The following PREX2 variants were observed in gnomAD, a reference collection of about 807,000 sequenced individuals.
The protein encoded by PREX2 is phosphatidylinositol-3,4,5-trisphosphate dependent Rac exchange factor 2.
In PREX2, 107 loss-of-function variants were observed where a neutral mutation model predicts 203.2. That is an observed-to-expected ratio of 0.53 (90% CI 0.45 to 0.62). The LOEUF (loss-of-function observed/expected upper bound fraction) is 0.62. Among genes scored for constraint, PREX2 ranks in the 20% least tolerant of loss-of-function variants. The probability of loss-of-function intolerance (pLI) is 0.00; values close to 1 mark genes in which losing one functional copy is unlikely to be tolerated. For synonymous variants in PREX2, 672 were observed against 663.6 expected (o/e 1.01, Z -0.19); for missense variants, 1,777 against 1,955.9 (o/e 0.91, Z 1.72).
intron 15 of PREX2, among the ~76,000 whole-genome samples, chr8:68,078,227 A>G (rs957272199): frequency 1.3e-5 from 2 of 152,140 alleles, no homozygotes; most frequent in African/African-American, 2.4e-5. Context: ...GTGCAGTGGC[A>G]TGATCTCAGC....
At position 67,952,178 on chromosome 8, in the gene PREX2, C is replaced by G. The variant is rs1805358419; in HGVS notation, c.-217C>G. ...CGGAGCCCCCACTCCCAGGAGTTTC[C>G]TCTGCAGAGCCCCGCGCCCCCCGCG... is the stretch of plus-strand genomic sequence containing the variant. On this transcript the variant is annotated 5_prime_UTR_variant, in exon 1 of 40. Coordinates refer to ENST00000288368, the MANE Select transcript of PREX2 (RefSeq NM_024870.4). 2 of 380,866 alleles carry G rather than the reference C, an allele frequency of 5.3e-6. No homozygotes were observed. The highest frequency in any genetic ancestry group is 9.6e-5 in the Admixed American group (2 of 20,780). 23.6% of individuals were successfully genotyped at this position (380,866 alleles called of 1,614,324 possible). A position where few individuals can be genotyped will look rare whatever the true frequency, so the allele number is the denominator to read the frequency against.
intron 1 of PREX2, among the ~76,000 whole-genome samples, chr8:68,003,770 T>C (rs1290583328): frequency 2.6e-5 from 4 of 151,822 alleles, no homozygotes; most frequent in Admixed American, 1.3e-4. Context: ...AATGGAAACT[T>C]TGGATATCAG....
At chr8:67,976,634 G>C (rs1375326996) in intron 1 of PREX2, among the ~76,000 whole-genome samples, 1 of 81,482 alleles carries the variant, frequency 1.2e-5, no homozygotes, top group East Asian at 7.1e-4. Context: ...AGAGAGAGAC[G>C]GGAGAGAGAC....
chr8:68,064,345 T>TTGC (rs1808952419), intron 11 of PREX2, among the ~76,000 whole-genome samples: 1 of 152,060 alleles, frequency 6.6e-6, no homozygotes. Flanking sequence ...ATAAATTATG[T>TTGC]TGCAAAAAGG....
At position 68,069,071 on chromosome 8, in the gene PREX2, T is replaced by C. The variant is rs776708753; in HGVS notation, c.1378T>C (p.Tyr460His). Residue 460 changes from tyrosine (Y) to histidine (H), a missense_variant, in exon 12 of 40, where the codon TAT (tyrosine) becomes CAT (histidine). Tyr to His is a moderately conservative substitution (Grantham distance 83, BLOSUM62 2). Transcript: ENST00000288368. ...KHQFKPEQML[Y>H]RFRYDDGTFY... ...TCAATTCAAACCAGAACAGATGTTA[T>C]ATAGATTTCGCTATGATGATGGAAC... The C allele has an allele frequency of 3.8e-6, 6 of 1,564,782 alleles. No individual in the cohort carries two copies. The highest frequency in any genetic ancestry group is 2.0e-5 in the Admixed American group (1 of 50,404).
chr8:68,024,644 T>C lies in PREX2; in HGVS notation c.441+2504T>C, dbSNP rs542073320. 1.5e-3 allele frequency among the ~76,000 whole-genome samples: 226 copies of C among 152,090 alleles called. 2 individuals carry two copies. Among genetic ancestry groups the C allele is most frequent in the Middle Eastern group, 0.014 (4 of 294 alleles). Reference sequence around the variant, plus strand: ...TCAGTTTGTTTGTTTTTAATGTAATTATTGATATGATGGTATTTACATGTG... The same window carrying C: ...TCAGTTTGTTTGTTTTTAATGTAATCATTGATATGATGGTATTTACATGTG... On this transcript the variant is annotated intron_variant, in intron 4 of 39. Transcript: ENST00000288368.
At chr8:67,983,966 T>G (rs1331330108) in intron 1 of PREX2, among the ~76,000 whole-genome samples, 1 of 152,182 alleles carries the variant, frequency 6.6e-6, no homozygotes, top group Non-Finnish European at 1.5e-5. Flanking sequence ...CACATAGTAG[T>G]GCACATCAAT....
chr8:68,031,153 G>T (rs957279598), intron 6 of PREX2, among the ~76,000 whole-genome samples: 1 of 152,078 alleles, frequency 6.6e-6, no homozygotes, highest in Non-Finnish European at 1.5e-5. Flanking sequence ...AAATGTTATG[G>T]CTTCCTGAGT....
intron 1 of PREX2, among the ~76,000 whole-genome samples, chr8:67,999,694 A>C (rs1806883148): frequency 6.6e-6 from 1 of 152,184 alleles, no homozygotes; most frequent in Admixed American, 6.5e-5. Context: ...TTCTTGATGA[A>C]CATTGATGCA....
intron 1 of PREX2, among the ~76,000 whole-genome samples, chr8:67,997,399 G>A (rs933232845): frequency 6.6e-6 from 1 of 152,080 alleles, no homozygotes; most frequent in African/African-American, 2.4e-5. Flanking sequence ...TATAAATTAG[G>A]TACAGTAGGA....
chr8:67,966,241 A>C (rs1805774709), intron 1 of PREX2, among the ~76,000 whole-genome samples: 1 of 152,178 alleles, frequency 6.6e-6, no homozygotes, highest in Non-Finnish European at 1.5e-5. Flanking sequence ...TATTTGAATA[A>C]ATTTTTTAAA....
At chr8:67,961,576 A>T (rs1399720590) in intron 1 of PREX2, among the ~76,000 whole-genome samples, 1 of 152,166 alleles carries the variant, frequency 6.6e-6, no homozygotes, top group Non-Finnish European at 1.5e-5. Context: ...TGGCTGGGTC[A>T]CTTTTTCCCT....
chr8:68,090,865 A>G (rs1809852232), intron 20 of PREX2, 150 bp downstream of exon 20: 1 of 551,034 alleles, frequency 1.8e-6, no homozygotes, highest in South Asian at 3.5e-5. Flanking sequence ...TGATTGCTTT[A>G]TCTGCATAAT....
intron 1 of PREX2, among the ~76,000 whole-genome samples, chr8:67,974,855 A>C (rs1806028366): frequency 6.6e-6 from 1 of 152,186 alleles, no homozygotes; most frequent in South Asian, 2.1e-4. Flanking sequence ...TCATGTAAGG[A>C]TATAAACAAT....
chr8:68,131,754 G>C (rs1306494917), intron 31 of PREX2, among the ~76,000 whole-genome samples: 52 of 152,172 alleles, frequency 3.4e-4, no homozygotes, highest in Non-Finnish European at 2.2e-4. Context: ...ATTTCTACCA[G>C]TGGCAAAGTT....
intron 1 of PREX2, among the ~76,000 whole-genome samples, chr8:67,979,043 A>C (rs537887274): frequency 5.9e-5 from 9 of 152,216 alleles, no homozygotes; most frequent in Admixed American, 2.6e-4. Flanking sequence ...CTTATTGGAA[A>C]ACATTTCATC....
chr8:68,155,152 A>T (rs1250138969), intron 34 of PREX2, among the ~76,000 whole-genome samples: 1 of 152,132 alleles, frequency 6.6e-6, no homozygotes, highest in East Asian at 1.9e-4. Context: ...TATCAGAGAA[A>T]AGCCTCATCC....
rs370263626 is a variant in PREX2 at position 68,118,543 on chromosome 8, T to C, written c.3327-7T>C. 6 of 1,608,224 alleles carry C rather than the reference T, an allele frequency of 3.7e-6. No homozygotes were observed. In the African/African-American group the frequency reaches 8.0e-5, roughly 22 times the overall value. ...TCTTACAGTAACATGAAACCTGTTG[T>C]TTTCAGTGACTGCAACAGCAATAGG... On this transcript the variant is annotated splice_region_variant and splice_polypyrimidine_tract_variant and intron_variant, in intron 26 of 39. Coordinates refer to ENST00000288368, the MANE Select transcript of PREX2 (RefSeq NM_024870.4).
chr8:67,999,712 T>G (rs1806883690), intron 1 of PREX2, among the ~76,000 whole-genome samples: 1 of 152,082 alleles, frequency 6.6e-6, no homozygotes. Context: ...GCAAAAATCC[T>G]CAACAAAATA....
Sources: allele counts gnomAD v4.1 joint callset (sites outside exome capture counted in the v4.1 genomes callset), GRCh38; gene constraint gnomAD v4.1.1; transcripts MANE v1.5; gene names NCBI Gene and HGNC (gene_info 2026-07-23, HGNC 2026-07-21).